SVEP1: variants seen among roughly 807,000 people sequenced by gnomAD.
The protein encoded by SVEP1 is sushi, von Willebrand factor type A, EGF and pentraxin domain-containing protein 1.
SVEP1 carries 164 observed loss-of-function variants against 367.3 expected under a neutral mutation model. That is an observed-to-expected ratio of 0.45 (90% CI 0.39 to 0.51). The LOEUF (loss-of-function observed/expected upper bound fraction) is 0.51, where lower values mean the gene tolerates loss of function less well. Among genes scored for constraint, SVEP1 ranks in the 20% least tolerant of loss-of-function variants. SVEP1 has a pLI of 0.00. For missense variants in SVEP1, 4,117 were observed against 4,425.3 expected (o/e 0.93, Z 1.98); for synonymous variants, 1,666 against 1,611.6 (o/e 1.03, Z -0.81).
In SVEP1 at chr9:110,579,567, C is replaced by G; in HGVS notation, c.-24G>C. 9.7e-6 allele frequency: 15 copies of G among 1,549,132 alleles called. No homozygotes were observed. The highest frequency in any genetic ancestry group is 1.3e-5 in the Non-Finnish European group (15 of 1,154,048). On this transcript the variant is annotated 5_prime_UTR_variant, in exon 1 of 48. Coordinates refer to ENST00000374469, the MANE Select transcript of SVEP1 (RefSeq NM_153366.4). This position sits in a 1 kb window ranked among gnomAD's most constrained non-coding sequence, Gnocchi z 5.3. ...ATCGCGCTGGAGACAGAGCGGCTGC[C>G]CCGGAGCGCAGGCGGCGGCTCGGGC...
At chr9:110,477,502 C>T (rs981231254) in intron 13 of SVEP1, among the ~76,000 whole-genome samples, 3 of 152,156 alleles carry the variant, frequency 2.0e-5, no homozygotes, top group South Asian at 2.1e-4. Flanking sequence ...ACTTATTCAT[C>T]CTTTCTTAGA....
intron 36 of SVEP1, 77 bp downstream of exon 36, chr9:110,427,514 A>T: frequency 3.3e-6 from 5 of 1,503,866 alleles, no homozygotes; most frequent in Non-Finnish European, 4.5e-6. Flanking sequence ...TTCGTGTCCA[A>T]TGGAGCCCAT....
chr9:110,490,530 C>T (rs531838397), intron 8 of SVEP1, among the ~76,000 whole-genome samples: 10 of 152,204 alleles, frequency 6.6e-5, no homozygotes, highest in African/African-American at 2.4e-4. Context: ...TACTCTCTAT[C>T]TTAATGAGAT....
At chr9:110,434,666 TAAAA>T (rs71371668) in intron 29 of SVEP1, among the ~76,000 whole-genome samples, 160 bp from the exon 30 acceptor site, 4 of 40,630 alleles carry the variant, frequency 9.8e-5, no homozygotes, top group Admixed American at 3.5e-4. Context: ...GCAAAATCAC[TAAAA>T]AAAAAAAAAA....
chr9:110,472,442 A>T, intron 14 of SVEP1, 119 bp from the exon 15 acceptor site: 2 of 917,280 alleles, frequency 2.2e-6, no homozygotes, highest in South Asian at 4.4e-5. Flanking sequence ...TGCCCATAAC[A>T]TACTGCATAC....
intron 16 of SVEP1, 100 bp downstream of exon 16, chr9:110,471,264 T>C: frequency 2.1e-6 from 2 of 964,534 alleles, no homozygotes; most frequent in Non-Finnish European, 1.5e-6. Flanking sequence ...GAGCAAAATA[T>C]GTTTCATTTC....
At chr9:110,571,609 A>G (rs1291516884) in intron 1 of SVEP1, among the ~76,000 whole-genome samples, 1 of 152,188 alleles carries the variant, frequency 6.6e-6, no homozygotes, top group Non-Finnish European at 1.5e-5. Flanking sequence ...AAAGAAATAA[A>G]TGTCCATCAT....
intron 25 of SVEP1, 113 bp downstream of exon 25, chr9:110,446,787 G>T (rs180903015): frequency 1.1e-6 from 1 of 875,220 alleles, no homozygotes; most frequent in Non-Finnish European, 1.6e-6. Context: ...AGTACAAAGT[G>T]CTTGGCATCG....
At chr9:110,566,594 G>T (rs1216066309) in intron 1 of SVEP1, among the ~76,000 whole-genome samples, 1 of 152,130 alleles carries the variant, frequency 6.6e-6, no homozygotes, top group Non-Finnish European at 1.5e-5. Flanking sequence ...CAGTAATCAT[G>T]CTTATCACTG....
Position 110,536,579 on chromosome 9 carries a change from C to A in SVEP1, c.964+9536G>T, listed in dbSNP as rs192139181. ...CAAAAGAAATGTGAACTTCTCACCC[C>A]TTCAAATTTTACTAGGGTACATTGC... On this transcript the variant is annotated intron_variant, in intron 3 of 47. Transcript: ENST00000374469. 2.2e-3 allele frequency among the ~76,000 whole-genome samples: 329 copies of A among 152,054 alleles called. 1 individual carries two copies. Among genetic ancestry groups the A allele is most frequent in the African/African-American group, 6.0e-3 (251 of 41,550 alleles).
At chr9:110,429,506 G>C (rs952655147) in intron 34 of SVEP1, among the ~76,000 whole-genome samples, 172 bp from the exon 35 acceptor site, 2 of 151,216 alleles carry the variant, frequency 1.3e-5, no homozygotes, top group African/African-American at 2.4e-5. Flanking sequence ...ATTGAATACT[G>C]TATATCTTCC....
intron 13 of SVEP1, among the ~76,000 whole-genome samples, chr9:110,477,569 T>C (rs1829114607): frequency 2.6e-5 from 4 of 152,150 alleles, no homozygotes; most frequent in Admixed American, 2.0e-4. Context: ...TCCCCATTCT[T>C]ACTCTCAGAT....
At chr9:110,466,396 C>T (rs1828937006) in intron 17 of SVEP1, among the ~76,000 whole-genome samples, 1 of 152,110 alleles carries the variant, frequency 6.6e-6, no homozygotes, top group Non-Finnish European at 1.5e-5. Context: ...CACTGTTATC[C>T]TGCGTGGCAG....
intron 6 of SVEP1, among the ~76,000 whole-genome samples, chr9:110,500,308 A>G (rs1829513070): frequency 6.6e-6 from 1 of 152,210 alleles, no homozygotes; most frequent in Non-Finnish European, 1.5e-5. Flanking sequence ...CGATAATGAC[A>G]ATGTGGGACT....
intron 40 of SVEP1, among the ~76,000 whole-genome samples, chr9:110,393,051 A>G (rs1213889119): frequency 2.6e-5 from 4 of 152,220 alleles, no homozygotes; most frequent in Non-Finnish European, 5.9e-5. Context: ...TTGGAGTGAG[A>G]GCAATCACTA....
In SVEP1 at chr9:110,407,878, A is replaced by G; in HGVS notation, c.7722T>C (p.Tyr2574=). 1 of 1,614,034 alleles carries G rather than the reference A, an allele frequency of 6.2e-7. No homozygotes were observed. Among genetic ancestry groups the G allele is most frequent in the Non-Finnish European group, 8.5e-7 (1 of 1,179,894 alleles). Residue 2574 remains tyrosine (Y), a synonymous_variant, in exon 38 of 48, where the codon TAT becomes TAC. Coordinates refer to ENST00000374469, the MANE Select transcript of SVEP1 (RefSeq NM_153366.4). ...NGFVEGADYS[Y]GAIIIYSCFP... is the part of the protein sequence containing the mutation. ...AGCAACTGTAGATGATTATGGCACCATAGCTGTAATCTGCACCTTCTACAA... is the reference window on the plus strand; with the variant it reads ...AGCAACTGTAGATGATTATGGCACCGTAGCTGTAATCTGCACCTTCTACAA...
At position 110,411,321 on chromosome 9, in the gene SVEP1, C is replaced by T; in HGVS notation, c.6390G>A (p.Gly2130=). Residue 2130 remains glycine, a synonymous_variant, in exon 37 of 48, where the codon GGG becomes GGA. Coordinates refer to ENST00000374469, the MANE Select transcript of SVEP1 (RefSeq NM_153366.4). The part of the protein sequence containing the change: ...TSAKIECMRG[G]QWNPSPMSIQ... The stretch of plus-strand genomic sequence containing the variant: ...TGGACATGGGGGAAGGGTTCCACTG[C>T]CCACCTCTCATACATTCAATCTTTG... The T allele has an allele frequency of 6.2e-7, 1 of 1,614,014 alleles. No homozygotes were observed. Among genetic ancestry groups the T allele is most frequent in the Non-Finnish European group, 8.5e-7 (1 of 1,179,894 alleles).
chr9:110,462,257 A>G (rs1259812223), intron 18 of SVEP1, among the ~76,000 whole-genome samples: 1 of 152,108 alleles, frequency 6.6e-6, no homozygotes, highest in African/African-American at 2.4e-5. Context: ...GTAATAAAAT[A>G]CTAACATTAA....
intron 1 of SVEP1, among the ~76,000 whole-genome samples, chr9:110,554,666 A>G (rs944908415): frequency 6.6e-6 from 1 of 152,106 alleles, no homozygotes; most frequent in African/African-American, 2.4e-5. Context: ...AATAAAAATA[A>G]TTGAAATGGA....
Sources: allele counts gnomAD v4.1 joint callset (sites outside exome capture counted in the v4.1 genomes callset), GRCh38; gene constraint gnomAD v4.1.1; non-coding constraint Gnocchi (gnomAD v3.1); transcripts MANE v1.5; gene names NCBI Gene and HGNC (gene_info 2026-07-23, HGNC 2026-07-21).